Variants in RALYL observed in about 807,000 individuals in gnomAD.
The protein encoded by RALYL is RALY RNA binding protein like, also known as RNA-binding Raly-like protein.
Under a neutral mutation model 35.1 loss-of-function variants are expected in RALYL, and 29 were observed. The observed-to-expected ratio is 0.83, with a 90% CI of 0.61 to 1.13. RALYL has a LOEUF of 1.13. Among genes scored for constraint, RALYL ranks in the 50% most tolerant of loss-of-function variants. The probability of loss-of-function intolerance (pLI) is 0.00; values close to 1 mark genes in which losing one functional copy is unlikely to be tolerated. For missense variants in RALYL, 359 were observed against 360.4 expected (o/e 1.00, Z 0.03); for synonymous variants, 120 against 127.6 (o/e 0.94, Z 0.40).
chr8:84,653,172 G>C (rs183274522), intron 2 of RALYL, among the ~76,000 whole-genome samples: 44 of 152,088 alleles, frequency 2.9e-4, no homozygotes, highest in African/African-American at 1.0e-3. Flanking sequence ...ATTTGTCCCT[G>C]GGTAAGATTG....
intron 2 of RALYL, among the ~76,000 whole-genome samples, chr8:84,713,621 T>C (rs1238171166): frequency 6.6e-6 from 1 of 151,960 alleles, no homozygotes. Flanking sequence ...GGAATTATTT[T>C]ACACTGTTGG....
rs555174779 is a variant in RALYL at position 84,371,612 on chromosome 8, G to C, written c.-23-157687G>C. ...AGAGAAGGGGGCAGGAAAATTTTAC[G>C]TATTACTTAACTGAGTAGACTGAAT... On this transcript the variant is annotated intron_variant, in intron 1 of 8. Transcript: ENST00000521268. 8.0e-5 allele frequency among the ~76,000 whole-genome samples: 12 copies of C among 150,386 alleles called. 1 individual carries two copies. Among genetic ancestry groups the C allele is most frequent in the Non-Finnish European group, 4.4e-5 (3 of 67,688 alleles).
At position 84,397,901 on chromosome 8, in the gene RALYL, T is replaced by G. The variant is rs113686926; in HGVS notation, c.-23-131398T>G. Among the ~76,000 whole-genome samples the G allele has an allele frequency of 8.9e-3, 1,362 of 152,328 alleles. 30 individuals carry two copies. The highest frequency in any genetic ancestry group is 0.031 in the African/African-American group (1,276 of 41,572). Reference sequence around the variant, plus strand: ...AAAGCTGTAATAGCTTCTTTGCCATTAGTTTTGAAACTCTAGAGTTCATTA... The same window carrying G: ...AAAGCTGTAATAGCTTCTTTGCCATGAGTTTTGAAACTCTAGAGTTCATTA... On this transcript the variant is annotated intron_variant, in intron 1 of 8. Coordinates refer to ENST00000521268, the MANE Select transcript of RALYL (RefSeq NM_173848.7).
At chr8:84,282,149 T>C (rs1424444457) in intron 1 of RALYL, among the ~76,000 whole-genome samples, 1 of 152,004 alleles carries the variant, frequency 6.6e-6, no homozygotes, top group Non-Finnish European at 1.5e-5. Context: ...GACTTTTCTG[T>C]CCTGGGAATT....
At chr8:84,876,948 T>C (rs998162164) in intron 7 of RALYL, among the ~76,000 whole-genome samples, 3 of 152,192 alleles carry the variant, frequency 2.0e-5, no homozygotes, top group African/African-American at 7.2e-5. Context: ...TTTTCAATAC[T>C]GCTACTCAAT....
At chr8:84,722,009 A>G (rs1844012989) in intron 2 of RALYL, among the ~76,000 whole-genome samples, 1 of 152,116 alleles carries the variant, frequency 6.6e-6, no homozygotes, top group Non-Finnish European at 1.5e-5. Context: ...AAGGGCTTTC[A>G]GTGTTTCAAT....
intron 4 of RALYL, among the ~76,000 whole-genome samples, chr8:84,839,182 C>A (rs111733826): frequency 6.6e-6 from 1 of 152,204 alleles, no homozygotes; most frequent in Non-Finnish European, 1.5e-5. Context: ...TCACCTCCCC[C>A]GGGAAGTGCA....
intron 2 of RALYL, among the ~76,000 whole-genome samples, chr8:84,551,127 C>T (rs1272205353): frequency 1.3e-5 from 2 of 151,570 alleles, no homozygotes; most frequent in African/African-American, 2.4e-5. Context: ...ATTGGTATTA[C>T]ATTTATTACA....
intron 1 of RALYL, among the ~76,000 whole-genome samples, chr8:84,379,790 G>GA (rs1857592790): frequency 6.7e-6 from 1 of 149,560 alleles, no homozygotes; most frequent in South Asian, 2.1e-4. Context: ...AATTGAGTGA[G>GA]AAAAAATTGC....
intron 1 of RALYL, among the ~76,000 whole-genome samples, chr8:84,439,740 AT>A (rs2048134765): frequency 6.6e-6 from 1 of 152,052 alleles, no homozygotes; most frequent in Non-Finnish European, 1.5e-5. Flanking sequence ...GTATGCTAGC[AT>A]TTTCTTCAGC....
intron 1 of RALYL, among the ~76,000 whole-genome samples, chr8:84,239,600 G>A (rs1827392794): frequency 6.6e-6 from 1 of 152,084 alleles, no homozygotes; most frequent in African/African-American, 2.4e-5. Context: ...CATTAAGACA[G>A]CGTGGCTCGG....
intron 2 of RALYL, among the ~76,000 whole-genome samples, chr8:84,626,503 A>C (rs1013931404): frequency 3.7e-4 from 56 of 152,188 alleles, no homozygotes; most frequent in African/African-American, 1.3e-3. Context: ...AAGACATTTA[A>C]ATTTTCAGAA....
chr8:84,295,760 C>T (rs1267201621), intron 1 of RALYL, among the ~76,000 whole-genome samples: 3 of 152,120 alleles, frequency 2.0e-5, no homozygotes, highest in African/African-American at 7.2e-5. Flanking sequence ...TTCATAATCA[C>T]ATTTTATGTG....
At chr8:84,540,695 G>A (rs563149982) in intron 2 of RALYL, among the ~76,000 whole-genome samples, 29 of 151,958 alleles carry the variant, frequency 1.9e-4, no homozygotes, top group Admixed American at 1.8e-3. Context: ...AAACTAGGAA[G>A]CATTCCTACT....
intron 2 of RALYL, among the ~76,000 whole-genome samples, chr8:84,610,861 C>T (rs1452882924): frequency 2.0e-5 from 3 of 152,128 alleles, no homozygotes; most frequent in African/African-American, 4.8e-5. Context: ...GACGTCTCTC[C>T]GTCAATGTAC....
chr8:84,855,875 A>G (rs113701308), intron 5 of RALYL, among the ~76,000 whole-genome samples: 193 of 152,308 alleles, frequency 1.3e-3, no homozygotes, highest in African/African-American at 4.5e-3. Flanking sequence ...ACACGTATAC[A>G]TTTTAAATGA....
At chr8:84,779,039 T>A (rs1404351998) in intron 3 of RALYL, among the ~76,000 whole-genome samples, 1 of 152,214 alleles carries the variant, frequency 6.6e-6, no homozygotes, top group African/African-American at 2.4e-5. Flanking sequence ...TATTTGTAAA[T>A]GAAACATAAT....
intron 2 of RALYL, among the ~76,000 whole-genome samples, chr8:84,628,848 T>A (rs1385120533): frequency 6.6e-6 from 1 of 151,830 alleles, no homozygotes; most frequent in Non-Finnish European, 1.5e-5. Context: ...TTGTTAATGG[T>A]AAAAAACAAA....
chr8:84,749,952 C>A (rs1172113661), intron 2 of RALYL, among the ~76,000 whole-genome samples: 1 of 152,132 alleles, frequency 6.6e-6, no homozygotes, highest in Non-Finnish European at 1.5e-5. Flanking sequence ...GGCTTATATA[C>A]CTTGGGGTCA....
Sources: allele counts gnomAD v4.1 joint callset (sites outside exome capture counted in the v4.1 genomes callset), GRCh38; gene constraint gnomAD v4.1.1; transcripts MANE v1.5; gene names NCBI Gene and HGNC (gene_info 2026-07-23, HGNC 2026-07-21).